MAGEC3: variants seen among roughly 807,000 people sequenced by gnomAD.
The protein encoded by MAGEC3 is melanoma-associated antigen C3.
MAGEC3 carries 34 observed loss-of-function variants against 35.3 expected under a neutral mutation model. The observed-to-expected ratio is 0.96, with a 90% CI of 0.73 to 1.28. MAGEC3 has a LOEUF of 1.28. Ranked by LOEUF, MAGEC3 falls within the 50% of genes most tolerant of loss-of-function variation. The pLI is 0.00. For missense variants in MAGEC3, 561 were observed against 483.6 expected (o/e 1.16, Z -1.50); for synonymous variants, 202 against 185.6 (o/e 1.09, Z -0.72).
At chrX:141,882,004 G>T (rs1041191406) in intron 4 of MAGEC3, among the ~76,000 whole-genome samples, 3 of 111,853 alleles carry the variant, frequency 2.7e-5, no homozygotes, top group Admixed American at 9.5e-5. Context: ...ACCGTCTCTA[G>T]TTCCTTTCCA....
At position 141,897,025 on chromosome X, in the gene MAGEC3, C is replaced by G. The variant is rs2018104087; in HGVS notation, c.1267C>G (p.Leu423Val). The G allele has an allele frequency of 8.3e-7, 1 of 1,209,226 alleles. No homozygotes were observed. The highest frequency in any genetic ancestry group is 1.1e-6 in the Non-Finnish European group (1 of 894,953). The change falls in exon 7 of 8, where the codon CTT becomes GTT. Residue 423 changes from leucine (L) to valine (V), a missense_variant. Coordinates refer to ENST00000298296, the MANE Select transcript of MAGEC3 (RefSeq NM_138702.1). ...QSPLDSCSSP[L>V]LWTRLDEESS... ...TCCTCTAGACTCCTGCTCATCCCCT[C>G]TTTTGTGGACCCGATTGGATGAGGA...
At position 141,881,498 on chromosome X, in the gene MAGEC3, C is replaced by T; in HGVS notation, c.611C>T (p.Pro204Leu). 3 of 1,211,328 alleles carry T rather than the reference C, an allele frequency of 2.5e-6. No homozygotes were observed. The highest frequency in any genetic ancestry group is 3.4e-6 in the Non-Finnish European group (3 of 895,294). Residue 204 changes from proline (P) to leucine (L), a missense_variant, in exon 4 of 8, where the codon CCT (proline) becomes CTT (leucine). By Grantham distance (98) the Pro-to-Leu change is moderately conservative (BLOSUM62 -3). Coordinates refer to ENST00000298296, the MANE Select transcript of MAGEC3 (RefSeq NM_138702.1). ...CTCCTCAAATATCAAGCAAAAGAGC[C>T]TCTCACAAGAGCAGAGATGCAGATG... Reference protein sequence around the residue: ...FLLLKYQAKEPLTRAEMQMNV... With the variant: ...FLLLKYQAKELLTRAEMQMNV...
intron 1 of MAGEC3, 61 bp from the exon 2 acceptor site, chrX:141,865,410 C>T (rs2017841700): frequency 9.1e-7 from 1 of 1,097,593 alleles, no homozygotes; most frequent in Non-Finnish European, 1.2e-6. Flanking sequence ...TAGAGTAGAT[C>T]TTCCATCACA....
intron 1 of MAGEC3, among the ~76,000 whole-genome samples, chrX:141,849,358 G>C (rs2017736647): frequency 9.0e-6 from 1 of 110,784 alleles, no homozygotes; most frequent in African/African-American, 3.3e-5. Context: ...CACTTTTTTT[G>C]ACATTGACTT....
At chrX:141,889,278 T>G (rs1045042752) in intron 4 of MAGEC3, among the ~76,000 whole-genome samples, 3 of 111,724 alleles carry the variant, frequency 2.7e-5, no homozygotes, top group Non-Finnish European at 5.6e-5. Context: ...TATATGGTAT[T>G]GTTTCTCCCA....
At chrX:141,840,156 C>T (rs1008144961) in intron 1 of MAGEC3, among the ~76,000 whole-genome samples, 1 of 111,292 alleles carries the variant, frequency 9.0e-6, no homozygotes, top group African/African-American at 3.3e-5. Flanking sequence ...TGAAGTCAGC[C>T]AAAACTTAAC....
chrX:141,866,112 C>T (rs1227677452), intron 2 of MAGEC3, among the ~76,000 whole-genome samples: 3 of 111,263 alleles, frequency 2.7e-5, no homozygotes, highest in Admixed American at 9.5e-5. Context: ...GAATCCAGTC[C>T]GTTTCCACTC....
At chrX:141,856,323 A>G (rs1455583302) in intron 1 of MAGEC3, among the ~76,000 whole-genome samples, 1 of 111,327 alleles carries the variant, frequency 9.0e-6, no homozygotes, top group Non-Finnish European at 1.9e-5. Flanking sequence ...AAAACATCTC[A>G]AAGTTTTTCT....
chrX:141,839,733 A>G, intron 1 of MAGEC3: 1 of 746,421 alleles, frequency 1.3e-6, no homozygotes, highest in African/African-American at 2.3e-5. Context: ...TTTTCCCTGG[A>G]TCATTACTTA....
intron 2 of MAGEC3, among the ~76,000 whole-genome samples, chrX:141,877,570 G>A (rs1050190928): frequency 9.0e-6 from 1 of 111,186 alleles, no homozygotes; most frequent in African/African-American, 3.3e-5. Flanking sequence ...TTTCCAACTG[G>A]CCAATCCTCA....
chrX:141,855,544 A>G (rs1418888418), intron 1 of MAGEC3, among the ~76,000 whole-genome samples: 5 of 111,449 alleles, frequency 4.5e-5, no homozygotes, highest in Non-Finnish European at 9.4e-5. Context: ...AATAAATGAA[A>G]AGCATATTTT....
intron 7 of MAGEC3, 30 bp downstream of exon 7, chrX:141,897,516 T>C: frequency 8.4e-7 from 1 of 1,197,228 alleles, no homozygotes; most frequent in Non-Finnish European, 1.1e-6. Flanking sequence ...ACTTTATATA[T>C]GGGGATCCCA....
At chrX:141,881,827 C>G in intron 4 of MAGEC3, 31 bp downstream of exon 4, 1 of 1,209,753 alleles carries the variant, frequency 8.3e-7, no homozygotes, top group Non-Finnish European at 1.1e-6. Context: ...TTTCGTCTAT[C>G]GGGAGCCCAG....
intron 4 of MAGEC3, among the ~76,000 whole-genome samples, chrX:141,885,529 G>A (rs780971305): frequency 3.7e-5 from 4 of 108,309 alleles, no homozygotes; most frequent in Admixed American, 1.0e-4. Context: ...GCTGGGCATC[G>A]TGGTGCGCGC....
intron 4 of MAGEC3, among the ~76,000 whole-genome samples, chrX:141,887,263 A>G (rs190580007): frequency 8.9e-6 from 1 of 112,375 alleles, no homozygotes; most frequent in African/African-American, 3.2e-5. Context: ...TTTGTGTCAT[A>G]ATCTTATTAG....
chrX:141,895,700 C>T (rs1317119045), intron 6 of MAGEC3, 141 bp downstream of exon 6: 11 of 148,881 alleles, frequency 7.4e-5, no homozygotes, highest in Non-Finnish European at 1.2e-4. Context: ...TCAGGCTGAG[C>T]GGCAGTCCTC....
intron 2 of MAGEC3, among the ~76,000 whole-genome samples, chrX:141,877,813 C>G (rs5954454): frequency 0.034 from 3,823 of 111,682 alleles, 170 homozygotes; most frequent in African/African-American, 0.12. Context: ...TTTAGATTTA[C>G]AAGAAAATTA....
At chrX:141,856,721 G>T (rs2017783226) in intron 1 of MAGEC3, among the ~76,000 whole-genome samples, 1 of 111,628 alleles carries the variant, frequency 9.0e-6, no homozygotes, top group Admixed American at 9.5e-5. Context: ...ATACTATTCA[G>T]CCATAAAAAG....
In MAGEC3 at chrX:141,857,616, A is replaced by C. The variant is rs566312067; in HGVS notation, c.124-7855A>C. 7.2e-5 allele frequency among the ~76,000 whole-genome samples: 8 copies of C among 111,001 alleles called. No homozygotes were observed. The South Asian group carries it at 3.0e-3, about 42-fold the overall frequency. On this transcript the variant is annotated intron_variant, in intron 1 of 7. Transcript: ENST00000298296. Reference sequence around the variant, plus strand: ...GAACATGTCAGGCTTGTTCCTGCCTAAGAACTTGGATCCTTGCTGATCTTA... The same window carrying C: ...GAACATGTCAGGCTTGTTCCTGCCTCAGAACTTGGATCCTTGCTGATCTTA...
Sources: gnomAD v4.1 joint callset for allele counts (sites outside exome capture counted in the v4.1 genomes callset) on GRCh38, gnomAD v4.1.1 for gene constraint, MANE v1.5 for transcripts, NCBI Gene and HGNC (gene_info 2026-07-23, HGNC 2026-07-21) for gene names.